Variants in DPYD observed in about 807,000 individuals in gnomAD.
DPYD encodes the protein dihydropyrimidine dehydrogenase, also known as dihydropyrimidine dehydrogenase [NADP(+)].
Under a neutral mutation model 116.2 loss-of-function variants are expected in DPYD, and 109 were observed. The observed-to-expected ratio is 0.94, with a 90% CI of 0.80 to 1.10. DPYD has a LOEUF of 1.10. Among genes scored for constraint, DPYD ranks in the 50% least tolerant of loss-of-function variants. DPYD has a pLI of 0.00. For missense variants in DPYD, 1,302 were observed against 1,254.5 expected, an observed-to-expected ratio of 1.04 and a Z score of -0.57; for synonymous variants, 440 against 432.0, an observed-to-expected ratio of 1.02 and a Z score of -0.23.
chr1:97,192,522 A>G (rs1658446025), intron 20 of DPYD, among the ~76,000 whole-genome samples: 1 of 152,216 alleles, frequency 6.6e-6, no homozygotes. Context: ...GTGTTGCTAA[A>G]ATCACTGTAT....
chr1:97,574,080 G>A, intron 10 of DPYD, 110 bp from the exon 11 acceptor site: 2 of 1,514,544 alleles, frequency 1.3e-6, no homozygotes, highest in East Asian at 2.5e-5. Flanking sequence ...AAGTCAATAT[G>A]CAGCTTTTTC....
At chr1:97,846,117 A>G (rs1321310875) in intron 2 of DPYD, among the ~76,000 whole-genome samples, 1 of 152,210 alleles carries the variant, frequency 6.6e-6, no homozygotes, top group East Asian at 1.9e-4. Flanking sequence ...GAATGAGCCC[A>G]GGTGGCATGG....
intron 22 of DPYD, among the ~76,000 whole-genome samples, chr1:97,081,956 C>A (rs757422252): frequency 2.6e-5 from 4 of 152,048 alleles, no homozygotes; most frequent in Non-Finnish European, 4.4e-5. Flanking sequence ...GAATCATAGC[C>A]TTTCAGAGTA....
At chr1:97,855,142 G>A (rs755596127) in intron 2 of DPYD, 12 of 152,192 alleles carry the variant, frequency 7.9e-5, no homozygotes, top group South Asian at 2.1e-4. Flanking sequence ...GCACTTGTTC[G>A]GTTCAGAGAA....
chr1:97,619,401 G>T (rs1353805417), intron 8 of DPYD, among the ~76,000 whole-genome samples: 1 of 152,122 alleles, frequency 6.6e-6, no homozygotes, highest in East Asian at 1.9e-4. Context: ...CTTGTCTTTA[G>T]CATGTAGTAA....
chr1:97,389,678 T>G (rs908963086), intron 14 of DPYD, among the ~76,000 whole-genome samples: 3 of 152,056 alleles, frequency 2.0e-5, no homozygotes, highest in Non-Finnish European at 4.4e-5. Flanking sequence ...TGACTTTCAT[T>G]TTGACTAATT....
chr1:97,916,844 A>T (rs1674241007), intron 1 of DPYD, among the ~76,000 whole-genome samples: 1 of 152,136 alleles, frequency 6.6e-6, no homozygotes, highest in Non-Finnish European at 1.5e-5. Context: ...CCCCATCTCT[A>T]TTTTAAAAAA....
intron 2 of DPYD, among the ~76,000 whole-genome samples, chr1:97,832,492 G>T (rs1669587213): frequency 6.6e-6 from 1 of 152,126 alleles, no homozygotes; most frequent in Non-Finnish European, 1.5e-5. Flanking sequence ...CTGTCTGGAA[G>T]TGCTATACTT....
At chr1:97,420,912 G>A (rs972748543) in intron 14 of DPYD, among the ~76,000 whole-genome samples, 8 of 152,134 alleles carry the variant, frequency 5.3e-5, no homozygotes, top group African/African-American at 1.9e-4. Context: ...GAACTACTAT[G>A]TGACATTGTG....
intron 14 of DPYD, among the ~76,000 whole-genome samples, chr1:97,422,373 A>C (rs969141124): frequency 1.1e-4 from 17 of 152,148 alleles, no homozygotes; most frequent in African/African-American, 3.6e-4. Context: ...TCAGAGGACA[A>C]ATGACTTTGA....
At position 97,079,131 on chromosome 1, in the gene DPYD, G is replaced by T; in HGVS notation, c.2923C>A (p.Pro975Thr). Residue 975 changes from proline (P) to threonine (T), a missense_variant, in exon 23 of 23, where the codon CCA (proline) becomes ACA (threonine). By Grantham distance (38) the Pro-to-Thr change is conservative. Coordinates refer to ENST00000370192, the MANE Select transcript of DPYD (RefSeq NM_000110.4). ...DSGYQAIQFD[P>T]ETHLPTITDT... Reference sequence around the variant, plus strand: ...GTTATGGTGGGCAGGTGGGTTTCTGGATCAAACTGTATAGCCTGCAAACAG... The same window carrying T: ...GTTATGGTGGGCAGGTGGGTTTCTGTATCAAACTGTATAGCCTGCAAACAG... 2 of 1,613,494 alleles carry T rather than the reference G, an allele frequency of 1.2e-6. No homozygotes were observed. Among genetic ancestry groups the T allele is most frequent in the African/African-American group, 1.3e-5 (1 of 74,970 alleles).
At chr1:97,584,897 T>C (rs911747615) in intron 10 of DPYD, among the ~76,000 whole-genome samples, 2 of 150,330 alleles carry the variant, frequency 1.3e-5, no homozygotes, top group Admixed American at 6.6e-5. Context: ...CATGTATACA[T>C]ATGTAACAAA....
chr1:97,562,794 C>G (rs1182720875), intron 11 of DPYD, among the ~76,000 whole-genome samples: 1 of 152,156 alleles, frequency 6.6e-6, no homozygotes, highest in Non-Finnish European at 1.5e-5. Context: ...TCTTGGCTCG[C>G]TGCAACCTCT....
chr1:97,132,555 AAAC>A (rs1462259808), intron 20 of DPYD, among the ~76,000 whole-genome samples: 10 of 152,140 alleles, frequency 6.6e-5, no homozygotes, highest in South Asian at 4.1e-4. Context: ...GGAGAAATGT[AAAC>A]AACAACTACT....
At chr1:97,698,770 G>A (rs754008065) in intron 6 of DPYD, among the ~76,000 whole-genome samples, 7 of 151,666 alleles carry the variant, frequency 4.6e-5, no homozygotes, top group African/African-American at 1.2e-4. Flanking sequence ...TATGTGTCCC[G>A]TATAGAGTTC....
At chr1:97,525,901 T>C (rs1390348471) in intron 12 of DPYD, among the ~76,000 whole-genome samples, 14 of 138,818 alleles carry the variant, frequency 1.0e-4, no homozygotes, top group Admixed American at 2.9e-4. Flanking sequence ...CGCGCGTGTG[T>C]GTGTGTGTGT....
At chr1:97,185,017 GA>G (rs532599423) in intron 20 of DPYD, among the ~76,000 whole-genome samples, 25 of 152,112 alleles carry the variant, frequency 1.6e-4, no homozygotes, top group Non-Finnish European at 3.4e-4. Flanking sequence ...CTAGGTATAG[GA>G]TTTTTGTAGA....
chr1:97,699,979 C>T (rs1192019767), intron 5 of DPYD, among the ~76,000 whole-genome samples: 1 of 152,038 alleles, frequency 6.6e-6, no homozygotes. Flanking sequence ...ATTGCGATGG[C>T]ACACGGTAGA....
intron 16 of DPYD, among the ~76,000 whole-genome samples, chr1:97,353,051 C>A (rs963126620): frequency 1.3e-5 from 2 of 151,704 alleles, no homozygotes; most frequent in Admixed American, 1.3e-4. Context: ...AGACACAAAA[C>A]CCTCAAAACA....
Sources: allele counts gnomAD v4.1 joint callset (sites outside exome capture counted in the v4.1 genomes callset), GRCh38; gene constraint gnomAD v4.1.1; transcripts MANE v1.5; gene names NCBI Gene and HGNC (gene_info 2026-07-23, HGNC 2026-07-21).